The following DOCK3 variants were observed in gnomAD, a reference collection of about 807,000 sequenced individuals.
The protein encoded by DOCK3 is dedicator of cytokinesis protein 3.
A neutral mutation model predicts 265.6 loss-of-function variants in DOCK3; 60 were observed. The observed-to-expected ratio is 0.23, with a 90% CI of 0.18 to 0.28. The LOEUF (loss-of-function observed/expected upper bound fraction) is 0.28. DOCK3 is among the 10% of genes least tolerant of loss of function. DOCK3 has a pLI of 1.00. For synonymous variants in DOCK3, 881 were observed against 938.0 expected, an observed-to-expected ratio of 0.94 and a Z score of 1.11; for missense variants, 1,981 against 2,594.3, an observed-to-expected ratio of 0.76 and a Z score of 5.14.
Position 51,237,646 on chromosome 3 carries a change from T to C in DOCK3, c.2102+56T>C, listed in dbSNP as rs1026280728. 5 of 1,470,442 alleles carry C rather than the reference T, an allele frequency of 3.4e-6. 1 individual carries two copies. The Admixed American group carries it at 1.0e-4, about 30-fold the overall frequency. 91.1% of individuals were successfully genotyped at this position (1,470,442 alleles called of 1,614,324 possible). ...TCGTGTTTGAGTAGAAATATAGGCT[T>C]TAAAAAAGTTTAGCTGCAACCAGCA... On this transcript the variant is annotated intron_variant, in intron 21 of 52. Transcript: ENST00000266037.
chr3:50,959,347 A>G (rs1384031704), intron 5 of DOCK3, among the ~76,000 whole-genome samples: 1 of 151,934 alleles, frequency 6.6e-6, no homozygotes, highest in Non-Finnish European at 1.5e-5. Context: ...TTTTTTAATA[A>G]TGAGAATATC....
At chr3:51,249,645 A>G (rs1170583246) in intron 22 of DOCK3, among the ~76,000 whole-genome samples, 3 of 13,654 alleles carry the variant, frequency 2.2e-4, no homozygotes, top group Non-Finnish European at 3.8e-4. Context: ...TCCGGGAGGG[A>G]GGTGGGGGGG....
intron 6 of DOCK3, among the ~76,000 whole-genome samples, chr3:51,065,926 C>G (rs955249006): frequency 2.6e-5 from 4 of 152,140 alleles, no homozygotes; most frequent in African/African-American, 9.7e-5. Flanking sequence ...AGAAAGTAAC[C>G]TGTCCCCAGA....
intron 23 of DOCK3, among the ~76,000 whole-genome samples, chr3:51,270,136 T>G (rs2080421971): frequency 6.6e-6 from 1 of 152,230 alleles, no homozygotes; most frequent in South Asian, 2.1e-4. Flanking sequence ...CTCCCCTTGC[T>G]TGGGTGTTTA....
chr3:51,201,003 C>T (rs2088716458), intron 12 of DOCK3, among the ~76,000 whole-genome samples: 1 of 152,044 alleles, frequency 6.6e-6, no homozygotes, highest in East Asian at 1.9e-4. Flanking sequence ...CAGGCCTGCC[C>T]TAAAAGAGCT....
At chr3:50,697,586 C>T (rs570940588) in intron 1 of DOCK3, among the ~76,000 whole-genome samples, 11 of 152,228 alleles carry the variant, frequency 7.2e-5, no homozygotes, top group East Asian at 5.8e-4. Context: ...AGCAAAACTC[C>T]GTCTCAAAAA....
chr3:50,972,627 C>T (rs186014018), intron 5 of DOCK3, among the ~76,000 whole-genome samples: 4 of 152,190 alleles, frequency 2.6e-5, no homozygotes, highest in East Asian at 1.9e-4. Flanking sequence ...AAGCTCTCCT[C>T]GGTTCAGCCA....
At position 51,381,213 on chromosome 3, in the gene DOCK3, C is replaced by G. The variant is rs1324595310; in HGVS notation, c.5747C>G (p.Ser1916Cys). 6.2e-7 allele frequency: 1 copy of G among 1,613,928 alleles called. No homozygotes were observed. Among genetic ancestry groups the G allele is most frequent in the African/African-American group, 1.3e-5 (1 of 75,022 alleles). The change falls in exon 53 of 53, where the codon TCC becomes TGC. Residue 1916 changes from serine to cysteine, a missense_variant. By Grantham distance (112) the Ser-to-Cys change is moderately radical. Around this residue, in one of 4 missense-constraint regions of DOCK3, gnomAD observed 1,357 missense variants for 1,866.8 expected, o/e 0.73. Coordinates refer to ENST00000266037, the MANE Select transcript of DOCK3 (RefSeq NM_004947.5). This position sits in a 1 kb window ranked among gnomAD's most constrained non-coding sequence, Gnocchi z 5.6. ...CCACCTCGCACTGACACCATGGACT[C>G]CATGCCAAGTCAGGCCTGGAATGCT... ...EAPPRTDTMD[S>C]MPSQAWNADE...
At chr3:51,350,487 T>A in intron 40 of DOCK3, 95 bp downstream of exon 40, 1 of 1,333,376 alleles carries the variant, frequency 7.5e-7, no homozygotes, top group Non-Finnish European at 1.1e-6. Flanking sequence ...CCTTTTCTAC[T>A]GAATACTTCT....
At chr3:51,272,973 C>G (rs1208740597) in intron 24 of DOCK3, among the ~76,000 whole-genome samples, 1 of 151,932 alleles carries the variant, frequency 6.6e-6, no homozygotes, top group Admixed American at 6.6e-5. Flanking sequence ...GACATCCTGG[C>G]TAACATGGTG....
At chr3:51,268,724 A>G (rs2080330319) in intron 23 of DOCK3, among the ~76,000 whole-genome samples, 1 of 152,046 alleles carries the variant, frequency 6.6e-6, no homozygotes, top group African/African-American at 2.4e-5. Flanking sequence ...GGAGTACCTT[A>G]AGGCTTCCTT....
chr3:51,379,677 C>T (rs1281333594), intron 51 of DOCK3: 4 of 976,006 alleles, frequency 4.1e-6, no homozygotes, highest in African/African-American at 3.5e-5. Flanking sequence ...TTCTCTGGGC[C>T]GACTCAGCCA....
intron 5 of DOCK3, among the ~76,000 whole-genome samples, chr3:50,970,891 TTATATATATATA>T (rs55749209): frequency 3.0e-3 from 36 of 12,154 alleles, no homozygotes; most frequent in Non-Finnish European, 3.9e-3. Flanking sequence ...CATCTAATTT[TTATATATATATA>T]TATATATATA....
intron 5 of DOCK3, among the ~76,000 whole-genome samples, chr3:51,027,241 A>G (rs545484575): frequency 6.6e-6 from 1 of 151,950 alleles, no homozygotes; most frequent in South Asian, 2.1e-4. Flanking sequence ...TTTAGTTCCC[A>G]TGTATTTGTG....
At chr3:50,980,549 A>G (rs900385424) in intron 5 of DOCK3, among the ~76,000 whole-genome samples, 3 of 152,106 alleles carry the variant, frequency 2.0e-5, no homozygotes, top group Non-Finnish European at 1.5e-5. Flanking sequence ...GTTTTTCTTT[A>G]TAAGTTTGAT....
chr3:51,030,954 C>T (rs1421672796), intron 5 of DOCK3, among the ~76,000 whole-genome samples: 2 of 152,166 alleles, frequency 1.3e-5, no homozygotes, highest in Admixed American at 6.5e-5. Context: ...ACTGAGTTTT[C>T]CTTCTTTCCT....
At chr3:50,842,987 C>T (rs2107279524) in intron 3 of DOCK3, among the ~76,000 whole-genome samples, 1 of 152,268 alleles carries the variant, frequency 6.6e-6, no homozygotes, top group Middle Eastern at 3.4e-3. Context: ...GTTTGAGGAT[C>T]AGCGCGTGGA....
intron 12 of DOCK3, among the ~76,000 whole-genome samples, chr3:51,171,787 A>G (rs2086696042): frequency 6.6e-6 from 1 of 151,314 alleles, no homozygotes; most frequent in Non-Finnish European, 1.5e-5. Context: ...AAAATGTTGC[A>G]TGTGTGCTTG....
intron 5 of DOCK3, among the ~76,000 whole-genome samples, chr3:51,012,041 G>C (rs1051411337): frequency 7.9e-5 from 12 of 152,124 alleles, no homozygotes; most frequent in Non-Finnish European, 1.6e-4. Context: ...CCTACTGGGG[G>C]GTCCCTCCCA....
Sources: allele counts gnomAD v4.1 joint callset (sites outside exome capture counted in the v4.1 genomes callset), GRCh38; gene constraint gnomAD v4.1.1; regional missense constraint gnomAD v4.1.1; non-coding constraint Gnocchi (gnomAD v3.1); transcripts MANE v1.5; gene names NCBI Gene and HGNC (gene_info 2026-07-23, HGNC 2026-07-21).